The following SLC24A2 variants were observed in gnomAD, a reference collection of about 807,000 sequenced individuals.
SLC24A2 encodes sodium/potassium/calcium exchanger 2.
In SLC24A2, 36 loss-of-function variants were observed where a neutral mutation model predicts 62.0. The ratio of observed to expected loss-of-function variants is 0.58; its 90% CI spans 0.44 to 0.77. The LOEUF is 0.77. Ranked by LOEUF, SLC24A2 falls within the 30% of genes least tolerant of loss-of-function variation. The pLI, the probability that SLC24A2 is intolerant of heterozygous loss-of-function variation, is 0.00. For missense variants in SLC24A2, 846 were observed against 817.9 expected (o/e 1.03, Z -0.42); for synonymous variants, 358 against 294.0 (o/e 1.22, Z -2.23).
At position 19,786,160 on chromosome 9, in the gene SLC24A2, C is replaced by T. The variant is rs1255764169; in HGVS notation, c.707G>A (p.Trp236Ter). The T allele has an allele frequency of 6.2e-7, 1 of 1,614,122 alleles. No homozygotes were observed. Among genetic ancestry groups the T allele is most frequent in the Admixed American group, 1.7e-5 (1 of 60,026 alleles). The part of the protein sequence containing the change: ...FSREILNLTW[W>*]PLFRDVSFYI... Reference sequence around the variant, plus strand: ...GAAAGACACATCTCGAAAGAGCGGCCACCATGTCAGGTTTAAGATTTCTCT... The same window carrying T: ...GAAAGACACATCTCGAAAGAGCGGCTACCATGTCAGGTTTAAGATTTCTCT... The change falls in exon 2 of 11, where the codon TGG becomes TAG. Residue 236 changes from tryptophan to a stop codon, truncating the protein, a stop_gained. Transcript: ENST00000341998. LOFTEE classifies it high-confidence loss of function. The surrounding 1 kb of genome is among the most constrained non-coding windows in gnomAD (Gnocchi z 5.0).
the SLC24A2 span, among the ~76,000 whole-genome samples, chr9:20,240,705 G>T: frequency 1.3e-5 from 2 of 152,026 alleles, no homozygotes; most frequent in African/African-American, 4.8e-5. Flanking sequence ...ATTTCAGGGG[G>T]GTTTTGAGGC....
the SLC24A2 span, among the ~76,000 whole-genome samples, chr9:20,158,133 A>T: frequency 2.3e-3 from 343 of 151,904 alleles, 4 homozygotes; most frequent in African/African-American, 7.8e-3. Flanking sequence ...TGGATATGGA[A>T]AGAAACAGGA....
intron 8 of SLC24A2, among the ~76,000 whole-genome samples, chr9:19,540,674 A>G (rs77823409): frequency 0.75 from 106,732 of 142,350 alleles, 41,964 homozygotes; most frequent in East Asian, 1. Context: ...GAATCTGACA[A>G]TTATGTGTCT....
chr9:19,914,692 C>G, the SLC24A2 span, among the ~76,000 whole-genome samples: 140 of 152,146 alleles, frequency 9.2e-4, 2 homozygotes, highest in African/African-American at 3.2e-3. Context: ...CCCTTATGAC[C>G]TTGCCTTGTT....
At chr9:20,187,586 T>C in the SLC24A2 span, among the ~76,000 whole-genome samples, 1 of 152,218 alleles carries the variant, frequency 6.6e-6, no homozygotes, top group Non-Finnish European at 1.5e-5. Context: ...TCTTTGTTCA[T>C]GCTGCTCTGT....
At chr9:20,149,586 A>G in the SLC24A2 span, among the ~76,000 whole-genome samples, 49 of 152,210 alleles carry the variant, frequency 3.2e-4, no homozygotes, top group Non-Finnish European at 2.5e-4. Context: ...AATCAGTTAC[A>G]GGTAATATAT....
At chr9:20,161,510 A>C in the SLC24A2 span, among the ~76,000 whole-genome samples, 2 of 151,546 alleles carry the variant, frequency 1.3e-5, no homozygotes, top group Admixed American at 1.3e-4. Context: ...TTAATACCTC[A>C]TTAAGAAAAT....
the SLC24A2 span, among the ~76,000 whole-genome samples, chr9:20,225,582 T>TATATATATATA: frequency 4.2e-5 from 5 of 117,648 alleles, no homozygotes; most frequent in African/African-American, 2.7e-4. Context: ...ATAATTTCAT[T>TATATATATATA]TAAAGAAAGC....
intron 5 of SLC24A2, among the ~76,000 whole-genome samples, chr9:19,596,957 T>C (rs1331796765): frequency 6.6e-6 from 1 of 152,210 alleles, no homozygotes; most frequent in Non-Finnish European, 1.5e-5. Flanking sequence ...GGTATTTGTG[T>C]TTACATTACT....
At chr9:20,008,413 G>A in the SLC24A2 span, among the ~76,000 whole-genome samples, 1 of 152,108 alleles carries the variant, frequency 6.6e-6, no homozygotes, top group Non-Finnish European at 1.5e-5. Flanking sequence ...TTCTCTATTG[G>A]TTTTAGAGGA....
chr9:19,797,855 C>T, the SLC24A2 span, among the ~76,000 whole-genome samples: 752 of 152,278 alleles, frequency 4.9e-3, 4 homozygotes, highest in African/African-American at 0.017. Context: ...GGATGGGGAA[C>T]GGTGTTTGCA....
chr9:20,234,264 A>G, the SLC24A2 span, among the ~76,000 whole-genome samples: 1 of 152,060 alleles, frequency 6.6e-6, no homozygotes. Context: ...CTGAATTTGA[A>G]TGTTGGCCTG....
chr9:19,691,170 C>T (rs1820036226), intron 2 of SLC24A2, among the ~76,000 whole-genome samples: 1 of 152,122 alleles, frequency 6.6e-6, no homozygotes, highest in Admixed American at 6.6e-5. Flanking sequence ...AGAGCCCTCA[C>T]AAATATAGGA....
At chr9:19,520,725 G>C (rs910238337) in intron 10 of SLC24A2, among the ~76,000 whole-genome samples, 169 bp downstream of exon 10, 1 of 151,912 alleles carries the variant, frequency 6.6e-6, no homozygotes, top group Non-Finnish European at 1.5e-5. Context: ...TCTGAAATGA[G>C]AAAATGAGAA....
chr9:19,792,536 C>CAAAAAAAAAAAA (rs1165695410), upstream of SLC24A2, among the ~76,000 whole-genome samples: 41 of 74,526 alleles, frequency 5.5e-4, no homozygotes, highest in East Asian at 1.3e-3. Flanking sequence ...ACTAAAAATA[C>CAAAAAAAAAAAA]AAAAAAAAAA....
the SLC24A2 span, among the ~76,000 whole-genome samples, chr9:20,296,452 A>G: frequency 7.1e-4 from 108 of 152,382 alleles, no homozygotes; most frequent in African/African-American, 2.5e-3. Flanking sequence ...AAAAATGGAC[A>G]CCAAGAAAGT....
the SLC24A2 span, among the ~76,000 whole-genome samples, chr9:20,146,451 T>G: frequency 6.6e-6 from 1 of 152,284 alleles, no homozygotes; most frequent in East Asian, 1.9e-4. Flanking sequence ...GCCTAATTCC[T>G]GTAACTTATT....
the SLC24A2 span, among the ~76,000 whole-genome samples, chr9:20,199,151 T>G: frequency 1.9e-4 from 29 of 152,332 alleles, no homozygotes; most frequent in African/African-American, 6.7e-4. Flanking sequence ...TTTTATTTTT[T>G]TTCTCTCTCC....
the SLC24A2 span, among the ~76,000 whole-genome samples, chr9:20,290,675 G>A: frequency 2.0e-5 from 3 of 152,214 alleles, no homozygotes; most frequent in African/African-American, 4.8e-5. Context: ...GGGACAAATC[G>A]TTTTTGATGC....
Sources: allele counts gnomAD v4.1 joint callset (sites outside exome capture counted in the v4.1 genomes callset), GRCh38; gene constraint gnomAD v4.1.1; non-coding constraint Gnocchi (gnomAD v3.1); transcripts MANE v1.5; gene names NCBI Gene and HGNC (gene_info 2026-07-23, HGNC 2026-07-21).